Variants in PALM3 observed in about 807,000 individuals in gnomAD.
PALM3 encodes paralemmin 3.
Under a neutral mutation model 27.9 loss-of-function variants are expected in PALM3, and 20 were observed. The ratio of observed to expected loss-of-function variants is 0.72; its 90% CI spans 0.50 to 1.04. The LOEUF is 1.04. Among genes scored for constraint, PALM3 ranks in the 50% least tolerant of loss-of-function variants. The pLI, the probability that PALM3 is intolerant of heterozygous loss-of-function variation, is 0.00. For synonymous variants in PALM3, 328 were observed against 352.7 expected (o/e 0.93, Z 0.79); for missense variants, 814 against 869.4 (o/e 0.94, Z 0.80).
chr19:14,057,276 T>G, intron 3 of PALM3, 75 bp downstream of exon 3: 4 of 632,306 alleles, frequency 6.3e-6, no homozygotes, highest in Non-Finnish European at 8.6e-6. Flanking sequence ...GCTCCTATCG[T>G]CCCCCAAACC....
intron 3 of PALM3, 80 bp downstream of exon 3, chr19:14,057,271 T>C (rs900887331): frequency 4.4e-6 from 3 of 682,770 alleles, no homozygotes; most frequent in African/African-American, 5.0e-5. Flanking sequence ...CAGAGGCTCC[T>C]ATCGTCCCCC....
rs1254009109 is a variant in PALM3, at chr19:14,056,730, C to T, written c.246G>A (p.Ser82=). ...AVPEPSEDPT[S]KDPQSPEGQA... is the part of the protein sequence containing the mutation. ...GGCCCTCGGGTGACTGGGGGTCCTT[C>T]GAGGTGGGGTCTTCGGATGGCTCTG... The change falls in exon 4 of 7, where the codon TCG becomes TCA. Residue 82 remains serine, a synonymous_variant. Coordinates refer to ENST00000669674, the MANE Select transcript of PALM3 (RefSeq NM_001145028.2). 5 of 1,551,716 alleles carry T rather than the reference C, an allele frequency of 3.2e-6. No individual in the cohort carries two copies. The highest frequency in any genetic ancestry group is 2.6e-6 in the Non-Finnish European group (3 of 1,146,988).
chr19:14,061,279 C>T (rs1021725276), intron 1 of PALM3, among the ~76,000 whole-genome samples: 2 of 152,134 alleles, frequency 1.3e-5, no homozygotes, highest in Admixed American at 6.6e-5. Flanking sequence ...GGTGAGGAAC[C>T]GAATTGGGGT....
At chr19:14,056,963 C>A (rs1269007226) in intron 3 of PALM3, 159 bp from the exon 4 acceptor site, 1 of 744,018 alleles carries the variant, frequency 1.3e-6, no homozygotes, top group Admixed American at 3.0e-5. Flanking sequence ...TGCCCCCCAA[C>A]GCTGCAAGTG....
chr19:14,058,845 C>T (rs1422694127), intron 2 of PALM3, among the ~76,000 whole-genome samples: 2 of 151,732 alleles, frequency 1.3e-5, no homozygotes, highest in South Asian at 2.1e-4. Context: ...CCGAGAGATG[C>T]GGCTCAGGCA....
intron 1 of PALM3, among the ~76,000 whole-genome samples, chr19:14,060,498 T>C (rs545534440): frequency 5.5e-4 from 84 of 152,184 alleles, no homozygotes; most frequent in African/African-American, 1.9e-3. Context: ...AGGTGCAATG[T>C]AATTCACTGA....
In PALM3 at chr19:14,053,736, T is replaced by TG; in HGVS notation, c.1935dup (p.Ser646GlnfsTer19). 6.5e-7 allele frequency: 1 copy of TG among 1,531,066 alleles called. No homozygotes were observed. Among genetic ancestry groups the TG allele is most frequent in the Non-Finnish European group, 8.8e-7 (1 of 1,137,692 alleles). The allele number at this position is 1,531,066 out of a possible 1,614,324, so 94.8% of individuals were successfully genotyped here. ...ACAGGGTGGGCACTGGGGTTGGCGC[T>TG]GGGCCCCTCCCCCTGAAGCAGTGGC... On this transcript the variant is annotated frameshift_variant, in exon 7 of 7. Transcript: ENST00000669674. LOFTEE classifies it high-confidence loss of function.
chr19:14,059,009 G>C, intron 2 of PALM3, 106 bp downstream of exon 2: 1 of 1,056,304 alleles, frequency 9.5e-7, no homozygotes, highest in Non-Finnish European at 1.3e-6. Context: ...GGAGCCCTGG[G>C]CGGGGCTGGA....
chr19:14,057,605 G>T (rs1168724482), intron 2 of PALM3, 174 bp from the exon 3 acceptor site: 2 of 349,356 alleles, frequency 5.7e-6, no homozygotes, highest in Admixed American at 9.8e-5. Context: ...CGGGGAGGGG[G>T]CTGCGGAGGC....
Position 14,053,799 on chromosome 19 carries a change from C to T in PALM3, c.1873G>A (p.Ala625Thr), listed in dbSNP as rs1242787562. ...GGCTGCTCTGGGGCTGGGGTCTCTG[C>T]CAGAAGAGGTGTGGCATCCCCCAAG... ...GPLGDATPLL[A>T]ETPAPEQPAE... The change falls in exon 7 of 7, where the codon GCA becomes ACA. Residue 625 changes from alanine to threonine, a missense_variant. Transcript: ENST00000669674. 3.9e-6 allele frequency: 6 copies of T among 1,545,260 alleles called. No homozygotes were observed. Among genetic ancestry groups the T allele is most frequent in the South Asian group, 2.4e-5 (2 of 83,084 alleles).
At chr19:14,060,298 T>G (rs554180009) in intron 1 of PALM3, among the ~76,000 whole-genome samples, 131 of 152,104 alleles carry the variant, frequency 8.6e-4, no homozygotes, top group African/African-American at 3.0e-3. Context: ...GCTATATATA[T>G]GATATATATA....
chr19:14,061,662 G>A (rs1212271026), intron 1 of PALM3, among the ~76,000 whole-genome samples: 1 of 152,114 alleles, frequency 6.6e-6, no homozygotes, highest in African/African-American at 2.4e-5. Flanking sequence ...CACAGCAGTA[G>A]CCCCACCCCC....
rs1374025379 is a variant in PALM3, at chr19:14,057,425, G to A, written c.97C>T (p.Arg33Trp). The A allele has an allele frequency of 1.9e-6, 3 of 1,539,456 alleles. No homozygotes were observed. The South Asian group carries it at 3.6e-5, about 18-fold the overall frequency. ...GCGCGGATCTCCTCCTGCAGCCGCCGCTTCTCCTGCGCACAGAGGACCCGG... is the reference window on the plus strand; with the variant it reads ...GCGCGGATCTCCTCCTGCAGCCGCCACTTCTCCTGCGCACAGAGGACCCGG... ...RQRLEVIAEK[R>W]RLQEEIRAAR... is the part of the protein sequence containing the mutation. The change falls in exon 3 of 7, where the codon CGG becomes TGG. Residue 33 changes from arginine to tryptophan, a missense_variant. Arg to Trp is a moderately radical substitution (Grantham distance 101). Transcript: ENST00000669674.
At position 14,057,437 on chromosome 19, in the gene PALM3, C is replaced by A; in HGVS notation, c.91-6G>T. 6.5e-7 allele frequency: 1 copy of A among 1,533,948 alleles called. No individual in the cohort carries two copies. Among genetic ancestry groups the A allele is most frequent in the Non-Finnish European group, 8.8e-7 (1 of 1,141,396 alleles). On this transcript the variant is annotated splice_region_variant and splice_polypyrimidine_tract_variant and intron_variant, in intron 2 of 6. Coordinates refer to ENST00000669674, the MANE Select transcript of PALM3 (RefSeq NM_001145028.2). ...TCCTGCAGCCGCCGCTTCTCCTGCG[C>A]ACAGAGGACCCGGAGCTGCCCGCCG...
Position 14,055,442 on chromosome 19 carries a change from G to A in PALM3, c.400-17C>T, listed in dbSNP as rs1238775439. The stretch of plus-strand genomic sequence containing the variant: ...ACGGTGACCCTGCAGAGATGGCGGA[G>A]ACAAGGTCAGGCTGGCCCTCATCCC... On this transcript the variant is annotated splice_polypyrimidine_tract_variant and intron_variant, in intron 5 of 6. Coordinates refer to ENST00000669674, the MANE Select transcript of PALM3 (RefSeq NM_001145028.2). 6.4e-7 allele frequency: 1 copy of A among 1,551,248 alleles called. No homozygotes were observed. Among genetic ancestry groups the A allele is most frequent in the Non-Finnish European group, 8.7e-7 (1 of 1,146,844 alleles).
intron 5 of PALM3, 59 bp downstream of exon 5, chr19:14,056,370 C>A: frequency 6.8e-7 from 1 of 1,461,344 alleles, no homozygotes; most frequent in Non-Finnish European, 9.3e-7. Context: ...GATTCCATGT[C>A]CTGCCTTGAG....
chr19:14,054,472 TCCC>T lies in PALM3; in HGVS notation c.1197_1199del (p.Gly402del). 1 of 1,551,512 alleles carries T rather than the reference TCCC, an allele frequency of 6.4e-7. No individual in the cohort carries two copies. Among genetic ancestry groups the T allele is most frequent in the Non-Finnish European group, 8.7e-7 (1 of 1,146,868 alleles). Reference sequence around the variant, plus strand: ...CTGCCTCCCAGGTCTCCTCGCCTCCTCCCGTCTTGGCCCCCTCGGCCCCCAGCG... The same window carrying T: ...CTGCCTCCCAGGTCTCCTCGCCTCCTGTCTTGGCCCCCTCGGCCCCCAGCG... On this transcript the variant is annotated inframe_deletion, in exon 7 of 7. Coordinates refer to ENST00000669674, the MANE Select transcript of PALM3 (RefSeq NM_001145028.2).
chr19:14,060,564 G>A (rs1487959205), intron 1 of PALM3, among the ~76,000 whole-genome samples: 1 of 152,100 alleles, frequency 6.6e-6, no homozygotes, highest in African/African-American at 2.4e-5. Context: ...TTTATGGATG[G>A]GAAAACTGAG....
At chr19:14,061,897 C>T in intron 1 of PALM3, 43 bp downstream of exon 1, 1 of 979,882 alleles carries the variant, frequency 1.0e-6, no homozygotes, top group Non-Finnish European at 1.2e-6. Flanking sequence ...GAGCCCCTCC[C>T]AAGGCCCTGC....
Sources: gnomAD v4.1 joint callset for allele counts (sites outside exome capture counted in the v4.1 genomes callset) on GRCh38, gnomAD v4.1.1 for gene constraint, MANE v1.5 for transcripts, NCBI Gene and HGNC (gene_info 2026-07-23, HGNC 2026-07-21) for gene names.